DLG2: variants seen among roughly 807,000 people sequenced by gnomAD.
DLG2 encodes the protein disks large homolog 2.
A neutral mutation model predicts 132.5 loss-of-function variants in DLG2; 45 were observed. The ratio of observed to expected loss-of-function variants is 0.34; its 90% CI spans 0.27 to 0.44. The LOEUF (loss-of-function observed/expected upper bound fraction) is 0.44, where lower values mean the gene tolerates loss of function less well. DLG2 is among the 20% of genes least tolerant of loss of function. DLG2 has a pLI of 1.00. For missense variants in DLG2, 1,045 were observed against 1,196.9 expected (o/e 0.87, Z 1.87); for synonymous variants, 424 against 419.6 (o/e 1.01, Z -0.13).
intron 6 of DLG2, among the ~76,000 whole-genome samples, chr11:84,559,079 T>C (rs915864154): frequency 3.9e-5 from 6 of 152,194 alleles, no homozygotes; most frequent in Non-Finnish European, 7.4e-5. Context: ...GGCAGCTCAA[T>C]GGATGTTGAG....
chr11:84,982,926 T>A (rs2154120534), intron 6 of DLG2, among the ~76,000 whole-genome samples: 1 of 152,310 alleles, frequency 6.6e-6, no homozygotes, highest in Non-Finnish European at 1.5e-5. Flanking sequence ...CAGGGGAACC[T>A]CTTCAATGAA....
At chr11:83,952,326 GAA>G (rs1229291509) in intron 14 of DLG2, among the ~76,000 whole-genome samples, 1 of 152,216 alleles carries the variant, frequency 6.6e-6, no homozygotes, top group Non-Finnish European at 1.5e-5. Flanking sequence ...CACCATGGGG[GAA>G]AGAGTGAGAC....
At chr11:84,344,196 G>A (rs2098528673) in intron 7 of DLG2, among the ~76,000 whole-genome samples, 1 of 152,186 alleles carries the variant, frequency 6.6e-6, no homozygotes, top group Non-Finnish European at 1.5e-5. Flanking sequence ...GAGGTAAAGT[G>A]ACCGAGCCAA....
chr11:83,650,302 G>A (rs191113018), intron 18 of DLG2, among the ~76,000 whole-genome samples: 1 of 152,274 alleles, frequency 6.6e-6, no homozygotes, highest in East Asian at 1.9e-4. Context: ...AATCACACAG[G>A]TCCATGTAAG....
chr11:84,434,426 T>C (rs1324974981), intron 7 of DLG2, among the ~76,000 whole-genome samples: 1 of 152,086 alleles, frequency 6.6e-6, no homozygotes, highest in Non-Finnish European at 1.5e-5. Flanking sequence ...AAGAAGGCGC[T>C]AGAGACACAA....
At chr11:84,806,677 G>A (rs2076037202) in intron 6 of DLG2, among the ~76,000 whole-genome samples, 1 of 152,100 alleles carries the variant, frequency 6.6e-6, no homozygotes, top group Admixed American at 6.6e-5. Context: ...TGATAAAATG[G>A]CTTCTAGAGA....
At chr11:85,016,791 C>G (rs2059612293) in intron 6 of DLG2, among the ~76,000 whole-genome samples, 1 of 152,140 alleles carries the variant, frequency 6.6e-6, no homozygotes, top group Admixed American at 6.6e-5. Flanking sequence ...AGCCCTCAGT[C>G]TCCTAATAAA....
intron 19 of DLG2, among the ~76,000 whole-genome samples, chr11:83,615,781 T>A (rs959354212): frequency 6.6e-6 from 1 of 152,158 alleles, no homozygotes; most frequent in East Asian, 1.9e-4. Context: ...AGGAGCAAGA[T>A]AACAGGGACT....
chr11:83,900,398 C>T (rs2073081324), intron 15 of DLG2, among the ~76,000 whole-genome samples: 1 of 152,140 alleles, frequency 6.6e-6, no homozygotes, highest in African/African-American at 2.4e-5. Flanking sequence ...TTGATGGCAG[C>T]CCCTCCCATC....
intron 18 of DLG2, among the ~76,000 whole-genome samples, chr11:83,723,443 C>T (rs1251442818): frequency 6.6e-6 from 1 of 152,040 alleles, no homozygotes; most frequent in East Asian, 1.9e-4. Flanking sequence ...TGAATTTAGT[C>T]GAAGGAGGCC....
At chr11:84,547,137 G>C (rs1592071403) in intron 6 of DLG2, among the ~76,000 whole-genome samples, 1 of 152,132 alleles carries the variant, frequency 6.6e-6, no homozygotes, top group Non-Finnish European at 1.5e-5. Context: ...TGCATGGAAG[G>C]CACTTAGAAG....
intron 6 of DLG2, among the ~76,000 whole-genome samples, chr11:85,103,762 A>G (rs575317056): frequency 1.3e-5 from 2 of 152,062 alleles, no homozygotes; most frequent in African/African-American, 4.8e-5. Flanking sequence ...TTCAAATGCC[A>G]TTACCAAAAA....
chr11:83,626,517 C>T, intron 19 of DLG2, among the ~76,000 whole-genome samples: 1 of 152,108 alleles, frequency 6.6e-6, no homozygotes, highest in East Asian at 1.9e-4. Flanking sequence ...AAACGAGGGG[C>T]AAGAAGCTGA....
At chr11:84,962,028 CA>C (rs1394140080) in intron 6 of DLG2, among the ~76,000 whole-genome samples, 3 of 152,194 alleles carry the variant, frequency 2.0e-5, no homozygotes, top group African/African-American at 7.2e-5. Flanking sequence ...AATGAAGAGA[CA>C]AATTGAGAAC....
chr11:83,498,672 GGAGA>G (rs1433155886), intron 21 of DLG2, among the ~76,000 whole-genome samples: 2 of 105,960 alleles, frequency 1.9e-5, no homozygotes, highest in Non-Finnish European at 4.0e-5. Context: ...CCTAAAGCAA[GGAGA>G]AAAAAAAAAA....
rs72958298 is a variant in DLG2, at chr11:83,874,108, G to A, written c.1565+312C>T. The stretch of plus-strand genomic sequence containing the variant: ...AGAAAAAAAGAGAGAGAGTGTGTGC[G>A]TGTGAGAGAGACAGAGAAAGAAGAG... On this transcript the variant is annotated intron_variant, in intron 16 of 27. Transcript: ENST00000376104. Among the ~76,000 whole-genome samples, 738 of 151,892 alleles carry A rather than the reference G, an allele frequency of 4.9e-3. 4 individuals are homozygous for A. Among genetic ancestry groups the A allele is most frequent in the Non-Finnish European group, 8.4e-3 (569 of 67,936 alleles).
intron 17 of DLG2, among the ~76,000 whole-genome samples, chr11:83,823,872 T>A (rs779409027): frequency 1.3e-5 from 2 of 152,188 alleles, no homozygotes; most frequent in Non-Finnish European, 2.9e-5. Context: ...GCTCTTTTTT[T>A]AGGCATTTAT....
Position 84,242,625 on chromosome 11 carries a change from C to T in DLG2, c.573+8613G>A, listed in dbSNP as rs534994968. ...TTCACCATGTTGGCCAGGCTGGTCT[C>T]GAACTTCTAACCTCAGGTAATTTGC... On this transcript the variant is annotated intron_variant, in intron 8 of 27. Transcript: ENST00000376104. 3.3e-5 allele frequency among the ~76,000 whole-genome samples: 5 copies of T among 152,156 alleles called. No individual in the cohort carries two copies. In the East Asian group the frequency reaches 9.7e-4, roughly 29 times the overall value.
intron 6 of DLG2, among the ~76,000 whole-genome samples, chr11:85,005,851 T>C (rs1010969564): frequency 6.6e-6 from 1 of 152,174 alleles, no homozygotes; most frequent in East Asian, 1.9e-4. Context: ...CAGTATGATA[T>C]TGGCTATGGG....
Sources: allele counts gnomAD v4.1 joint callset (sites outside exome capture counted in the v4.1 genomes callset), GRCh38; gene constraint gnomAD v4.1.1; transcripts MANE v1.5; gene names NCBI Gene and HGNC (gene_info 2026-07-23, HGNC 2026-07-21).